Variants in OPA3 observed in about 807,000 individuals in gnomAD.
The protein encoded by OPA3 is outer mitochondrial membrane lipid metabolism regulator OPA3.
OPA3 carries 6 observed loss-of-function variants against 4.0 expected under a neutral mutation model. The ratio of observed to expected loss-of-function variants is 1.51; its 90% CI spans 0.83 to 2.99. OPA3 has a LOEUF of 2.99. Among genes scored for constraint, OPA3 ranks in the 30% most tolerant of loss-of-function variants. The pLI is 0.00. For missense variants in OPA3, 235 were observed against 256.2 expected (o/e 0.92, Z 0.56); for synonymous variants, 105 against 117.1 (o/e 0.90, Z 0.67).
exon 2 of OPA3, chr19:45,529,093 G>A (rs1283336274): frequency 5.6e-6 from 9 of 1,599,860 alleles, no homozygotes; most frequent in Non-Finnish European, 7.7e-6. Flanking sequence ...GGGTGCAGGC[G>A]GCGGGTCTCG....
In OPA3 at chr19:45,551,955, C is replaced by G; in HGVS notation, c.*1559G>C. The G allele has an allele frequency of 3.0e-6, 3 of 985,506 alleles. No individual in the cohort carries two copies. Among genetic ancestry groups the G allele is most frequent in the Non-Finnish European group, 3.6e-6 (3 of 830,040 alleles). 61.0% of individuals were successfully genotyped at this position (985,506 alleles called of 1,614,324 possible). The stretch of plus-strand genomic sequence containing the variant: ...GGAAGGCAAGAAAGGACATGCCACA[C>G]AGTACAAGCTCCAGGGACTCTGAGG... On this transcript the variant is annotated 3_prime_UTR_variant, in exon 2 of 2. Coordinates refer to ENST00000263275, the MANE Select transcript of OPA3 (RefSeq NM_025136.4).
intron 1 of OPA3, among the ~76,000 whole-genome samples, chr19:45,560,688 T>C (rs1969489444): frequency 6.6e-6 from 1 of 152,094 alleles, no homozygotes; most frequent in Admixed American, 6.6e-5. Flanking sequence ...CCTAAGCCCT[T>C]TTCTCACTCG....
chr19:45,567,169 T>A (rs1012645047), intron 1 of OPA3, among the ~76,000 whole-genome samples: 2 of 151,702 alleles, frequency 1.3e-5, no homozygotes, highest in African/African-American at 4.8e-5. Flanking sequence ...GTGAGATCCA[T>A]CTCTACAAAA....
chr19:45,555,881 C>A (rs1599967472), intron 1 of OPA3, among the ~76,000 whole-genome samples: 1 of 152,100 alleles, frequency 6.6e-6, no homozygotes, highest in Admixed American at 6.6e-5. Flanking sequence ...ATCTGGCTGC[C>A]TCGGCCTCCC....
chr19:45,551,031 G>T lies in OPA3; in HGVS notation c.*2483C>A. The T allele has an allele frequency of 1.2e-6, 1 of 849,864 alleles. No homozygotes were observed. The highest frequency in any genetic ancestry group is 1.4e-6 in the Non-Finnish European group (1 of 706,470). The allele number at this position is 849,864 out of a possible 1,614,324, so 52.6% of individuals were successfully genotyped here. ...GCTGGAGTGTAGTGGCGCGATCACG[G>T]CTCGCTGCAGCCTCGACCTCCAGGG... On this transcript the variant is annotated 3_prime_UTR_variant, in exon 2 of 2. Coordinates refer to ENST00000263275, the MANE Select transcript of OPA3 (RefSeq NM_025136.4).
intron 1 of OPA3, among the ~76,000 whole-genome samples, chr19:45,576,148 G>A (rs777014905): frequency 2.0e-5 from 3 of 151,608 alleles, no homozygotes; most frequent in Non-Finnish European, 4.4e-5. Flanking sequence ...GCTTGAAACC[G>A]GGATGCAGAG....
intron 1 of OPA3, among the ~76,000 whole-genome samples, chr19:45,558,747 C>T (rs1395406335): frequency 1.3e-5 from 2 of 150,988 alleles, no homozygotes; most frequent in Non-Finnish European, 2.9e-5. Flanking sequence ...TTTTTTTAGA[C>T]GGAGTCTCGC....
intron 1 of OPA3, among the ~76,000 whole-genome samples, chr19:45,580,345 G>A (rs1354064301): frequency 6.9e-6 from 1 of 145,210 alleles, no homozygotes; most frequent in East Asian, 2.0e-4. Flanking sequence ...CCAGGCTGGA[G>A]TGCAATGGCG....
intron 1 of OPA3, among the ~76,000 whole-genome samples, chr19:45,574,427 G>T (rs1260135955): frequency 6.7e-6 from 1 of 149,644 alleles, no homozygotes; most frequent in Non-Finnish European, 1.5e-5. Flanking sequence ...AAAAAAAAAC[G>T]GATTCCATGT....
chr19:45,566,394 A>G (rs1599982093), intron 1 of OPA3, among the ~76,000 whole-genome samples: 1 of 148,904 alleles, frequency 6.7e-6, no homozygotes, highest in African/African-American at 2.5e-5. Flanking sequence ...AGATGATAAT[A>G]CCCGCCTTGG....
At chr19:45,574,555 C>G (rs979310471) in intron 1 of OPA3, among the ~76,000 whole-genome samples, 2 of 152,182 alleles carry the variant, frequency 1.3e-5, no homozygotes, top group African/African-American at 2.4e-5. Flanking sequence ...ATTAGTATCC[C>G]ATTTGATAAA....
Position 45,584,264 on chromosome 19 carries a change from C to A in OPA3, c.142+359G>T, listed in dbSNP as rs181568140. ...GCCCAAGGACAGCCGGGCAAAGGAC[C>A]CCGTCCGGTTTCTCCTCAGCCCCTC... is the stretch of plus-strand genomic sequence containing the variant. On this transcript the variant is annotated intron_variant, in intron 1 of 1. Coordinates refer to ENST00000263275, the MANE Select transcript of OPA3 (RefSeq NM_025136.4). The A allele has an allele frequency of 1.3e-4, 114 of 884,606 alleles. No homozygotes were observed. In the African/African-American group the frequency reaches 1.9e-3, roughly 15 times the overall value. The allele number at this position is 884,606 out of a possible 1,614,324, so 54.8% of individuals were successfully genotyped here.
At chr19:45,536,227 CAAAA>C (rs35744947) in intron 1 of OPA3, among the ~76,000 whole-genome samples, 1 of 115,544 alleles carries the variant, frequency 8.7e-6, no homozygotes. Context: ...GACTCTATCT[CAAAA>C]AAAAAAAAAA....
chr19:45,558,071 G>T (rs1166047972), intron 1 of OPA3, among the ~76,000 whole-genome samples: 1 of 152,136 alleles, frequency 6.6e-6, no homozygotes, highest in Non-Finnish European at 1.5e-5. Context: ...CGGTAGCTCA[G>T]GCCTTTAATC....
At chr19:45,554,224 C>T (rs1240695824) in intron 1 of OPA3, among the ~76,000 whole-genome samples, 1 of 152,154 alleles carries the variant, frequency 6.6e-6, no homozygotes, top group African/African-American at 2.4e-5. Context: ...GCTGTCCTGC[C>T]CTGGCACTGT....
chr19:45,555,911 C>A (rs576229256), intron 1 of OPA3, among the ~76,000 whole-genome samples: 39 of 152,034 alleles, frequency 2.6e-4, no homozygotes, highest in African/African-American at 8.9e-4. Context: ...GGATTGCAAT[C>A]GTGAGCCACT....
intron 1 of OPA3, among the ~76,000 whole-genome samples, chr19:45,570,435 C>A (rs1333123214): frequency 3.9e-5 from 6 of 152,158 alleles, no homozygotes. Context: ...GTAATCCCAG[C>A]ACTTTGGGAG....
chr19:45,579,787 G>T (rs2122515999), intron 1 of OPA3, among the ~76,000 whole-genome samples: 1 of 152,120 alleles, frequency 6.6e-6, no homozygotes, highest in East Asian at 1.9e-4. Flanking sequence ...CATAACTGGT[G>T]AGGACCCAGT....
At chr19:45,529,461 A>G (rs1184405424) in intron 1 of OPA3, 2 of 1,611,988 alleles carry the variant, frequency 1.2e-6, no homozygotes, top group African/African-American at 2.7e-5. Flanking sequence ...GGTACACTGC[A>G]GGAAAAGACA....
Sources: allele counts gnomAD v4.1 joint callset (sites outside exome capture counted in the v4.1 genomes callset), GRCh38; gene constraint gnomAD v4.1.1; transcripts MANE v1.5; gene names NCBI Gene and HGNC (gene_info 2026-07-23, HGNC 2026-07-21).